Variants in NBPF9 observed in about 807,000 individuals in gnomAD.
The protein encoded by NBPF9 is NBPF member 9.
In NBPF9, 91 loss-of-function variants were observed where a neutral mutation model predicts 97.8. The ratio of observed to expected loss-of-function variants is 0.93; its 90% CI spans 0.79 to 1.11. The LOEUF (loss-of-function observed/expected upper bound fraction) is 1.11. Among genes scored for constraint, NBPF9 ranks in the 50% least tolerant of loss-of-function variants. The pLI is 0.00. For synonymous variants in NBPF9, 334 were observed against 359.5 expected (o/e 0.93, Z 0.80); for missense variants, 992 against 939.5 (o/e 1.06, Z -0.73).
chr1:149,093,319 C>T (rs1250413974), intron 4 of NBPF9, among the ~76,000 whole-genome samples: 6 of 151,974 alleles, frequency 3.9e-5, no homozygotes, highest in South Asian at 4.2e-4. Flanking sequence ...GGCTTTACAC[C>T]GAGACATTCC....
At chr1:149,098,082 T>G in intron 4 of NBPF9, among the ~76,000 whole-genome samples, 3 of 139,860 alleles carry the variant, frequency 2.1e-5, no homozygotes, top group Admixed American at 7.2e-5. Context: ...AGAAAGCAGG[T>G]GAAAGGGGAC....
At chr1:149,099,264 G>A (rs1189241236) in intron 3 of NBPF9, among the ~76,000 whole-genome samples, 3 of 152,188 alleles carry the variant, frequency 2.0e-5, no homozygotes, top group Non-Finnish European at 2.9e-5. Flanking sequence ...CTGAGCTTTC[G>A]CTAGGTTATG....
intron 13 of NBPF9, 144 bp from the exon 14 acceptor site, chr1:149,073,076 C>A: frequency 3.0e-6 from 2 of 661,294 alleles, no homozygotes; most frequent in Non-Finnish European, 5.4e-6. Context: ...TGTCTGTGGC[C>A]AAGAGAAAGA....
intron 5 of NBPF9, among the ~76,000 whole-genome samples, chr1:149,086,377 T>C (rs1282418160): frequency 1.6e-4 from 24 of 149,880 alleles, no homozygotes; most frequent in Non-Finnish European, 3.1e-4. Context: ...CCTTAAAGCA[T>C]GACGAAATAA....
exon 30 of NBPF9, chr1:149,055,859 A>G (rs782410342): frequency 1.9e-6 from 3 of 1,607,978 alleles, no homozygotes; most frequent in African/African-American, 1.3e-5. Context: ...GAGTCCTGCA[A>G]GACTTCAGGC....
chr1:149,088,408 G>T (rs2081185031), intron 5 of NBPF9, among the ~76,000 whole-genome samples: 1 of 152,120 alleles, frequency 6.6e-6, no homozygotes, highest in Non-Finnish European at 1.5e-5. Context: ...TTACTTTATT[G>T]CATTGATTTA....
intron 8 of NBPF9, 112 bp from the exon 9 acceptor site, chr1:149,079,333 G>C: frequency 6.0e-6 from 7 of 1,161,248 alleles, no homozygotes; most frequent in Non-Finnish European, 7.7e-6. Flanking sequence ...TGAAACAGAA[G>C]GTCAGCACAT....
At chr1:149,072,828 T>A (rs782544266) in exon 14 of NBPF9, 1 of 1,599,204 alleles carries the variant, frequency 6.3e-7, no homozygotes, top group Non-Finnish European at 8.6e-7. Flanking sequence ...GAGGAGGGCC[T>A]GGAGATGCTC....
intron 12 of NBPF9, among the ~76,000 whole-genome samples, 173 bp downstream of exon 12, chr1:149,075,482 A>G (rs1553654058): frequency 6.6e-6 from 1 of 152,220 alleles, no homozygotes; most frequent in East Asian, 1.9e-4. Context: ...AAGTTGCTAA[A>G]TACTTTGGTA....
Position 149,094,833 on chromosome 1 carries a change from C to T in NBPF9, c.-337+3605G>A, listed in dbSNP as rs1367977554. On this transcript the variant is annotated intron_variant, in intron 4 of 29. Coordinates refer to ENST00000584027, the Ensembl canonical transcript of NBPF9. Reference sequence around the variant, plus strand: ...ACACAGGCTAACACACAAGGAGTCACAGCTCACAGGGAAGAGAAGCTACTG... The same window carrying T: ...ACACAGGCTAACACACAAGGAGTCATAGCTCACAGGGAAGAGAAGCTACTG... 2.1e-5 allele frequency among the ~76,000 whole-genome samples: 3 copies of T among 143,218 alleles called. 1 individual carries two copies. Among genetic ancestry groups the T allele is most frequent in the African/African-American group, 8.3e-5 (3 of 36,138 alleles). 94.0% of individuals were successfully genotyped at this position (143,218 alleles called of 152,430 possible). A position where few individuals can be genotyped will look rare whatever the true frequency, so the allele number is the denominator to read the frequency against.
rs587712906 is a variant in NBPF9, at chr1:149,065,925, T to A, written c.1638-236A>T. The A allele has an allele frequency of 8.0e-4, 495 of 620,010 alleles. 6 individuals carry two copies. The highest frequency in any genetic ancestry group is 3.9e-3 in the Middle Eastern group (9 of 2,284). 38.4% of individuals were successfully genotyped at this position (620,010 alleles called of 1,614,324 possible). On this transcript the variant is annotated intron_variant, in intron 17 of 29. Transcript: ENST00000584027. ...GTACATTTGCCACAGATGAGCCAACTCAGGGCACCCAGACTCTCCCTGTAA... is the reference window on the plus strand; with the variant it reads ...GTACATTTGCCACAGATGAGCCAACACAGGGCACCCAGACTCTCCCTGTAA...
intron 5 of NBPF9, among the ~76,000 whole-genome samples, chr1:149,085,397 T>C (rs1219851017): frequency 2.6e-5 from 4 of 152,146 alleles, no homozygotes; most frequent in Non-Finnish European, 5.9e-5. Context: ...TCTAGCAGAG[T>C]AAGTCCTCCA....
chr1:149,083,007 C>T (rs1192057012), intron 5 of NBPF9, among the ~76,000 whole-genome samples: 1 of 99,044 alleles, frequency 1.0e-5, no homozygotes, highest in Non-Finnish European at 1.9e-5. Context: ...GACGGGGTTT[C>T]ACTGTGTTAG....
At chr1:149,068,936 T>C (rs1358114273) in intron 17 of NBPF9, among the ~76,000 whole-genome samples, 2 of 151,790 alleles carry the variant, frequency 1.3e-5, no homozygotes, top group African/African-American at 4.8e-5. Flanking sequence ...CAGACCACAG[T>C]GCAATCAAAT....
chr1:149,061,288 C>A lies in NBPF9; in HGVS notation c.2303+44G>T, dbSNP rs1158846286. ...TCTGTTTTCCCTGAACCAGGAGTCT[C>A]CAGATGTCAACACAGAAGTAGCTGT... On this transcript the variant is annotated intron_variant, in intron 23 of 29. Coordinates refer to ENST00000584027, the Ensembl canonical transcript of NBPF9. 1.2e-3 allele frequency: 455 copies of A among 389,490 alleles called. 80 individuals carry two copies. The African/African-American group carries it at 0.012, about 10-fold the overall frequency. The allele number at this position is 389,490 out of a possible 1,614,324, so 24.1% of individuals were successfully genotyped here.
At chr1:149,072,625 A>G (rs1304803402) in intron 14 of NBPF9, 93 bp downstream of exon 14, 3 of 1,486,614 alleles carry the variant, frequency 2.0e-6, no homozygotes, top group African/African-American at 1.4e-5. Context: ...GGAAAAAAAC[A>G]CCATTGATAC....
chr1:149,085,024 T>G (rs1289870372), intron 5 of NBPF9, among the ~76,000 whole-genome samples: 6 of 152,034 alleles, frequency 3.9e-5, no homozygotes, highest in African/African-American at 1.5e-4. Flanking sequence ...ACTGACCTCC[T>G]TTGTTCCTTC....
Position 149,070,902 on chromosome 1 carries a change from G to C in NBPF9, c.1585+32C>G, listed in dbSNP as rs587763103. The C allele has an allele frequency of 4.4e-6, 7 of 1,602,382 alleles. No homozygotes were observed. The African/African-American group carries it at 8.0e-5, about 18-fold the overall frequency. ...GAGTTTATCTTCCTCAGCCTAGAGA[G>C]AGGTATGAGACACAAGGAAAACAGA... is the stretch of plus-strand genomic sequence containing the variant. On this transcript the variant is annotated intron_variant, in intron 16 of 29. Coordinates refer to ENST00000584027, the Ensembl canonical transcript of NBPF9.
chr1:149,077,779 G>A (rs1399857255), intron 10 of NBPF9, 104 bp downstream of exon 10: 2 of 1,512,184 alleles, frequency 1.3e-6, no homozygotes, highest in Admixed American at 1.7e-5. Context: ...CTGTGGCCAA[G>A]GGGATGCGGG....
Sources: gnomAD v4.1 joint callset for allele counts (sites outside exome capture counted in the v4.1 genomes callset) on GRCh38, gnomAD v4.1.1 for gene constraint, MANE v1.5 for transcripts, NCBI Gene and HGNC (gene_info 2026-07-23, HGNC 2026-07-21) for gene names.